Variants in LRRC4C observed in about 807,000 individuals in gnomAD.
The protein encoded by LRRC4C is leucine rich repeat containing 4C.
In LRRC4C, 5 loss-of-function variants were observed where a neutral mutation model predicts 33.6. That is an observed-to-expected ratio of 0.15 (90% confidence interval 0.08 to 0.31). The LOEUF (loss-of-function observed/expected upper bound fraction) is 0.31. Ranked by LOEUF, LRRC4C falls within the 10% of genes least tolerant of loss-of-function variation. The pLI is 1.00. For missense variants in LRRC4C, 560 were observed against 796.7 expected (o/e 0.70, Z 3.58); for synonymous variants, 329 against 302.0 (o/e 1.09, Z -0.93).
rs557473577 is a variant in LRRC4C at position 40,870,847 on chromosome 11, A to G, written c.-407+62788T>C. Among the ~76,000 whole-genome samples the G allele has an allele frequency of 3.3e-3, 508 of 152,332 alleles. 13 individuals are homozygous for G. The highest frequency in any genetic ancestry group is 1.1e-3 in the Non-Finnish European group (76 of 68,028). ...ACAAGATGACAGCAATGTTCAGGGAACAAGAGAGATAACCTTAAACTCTGA... is the reference window on the plus strand; with the variant it reads ...ACAAGATGACAGCAATGTTCAGGGAGCAAGAGAGATAACCTTAAACTCTGA... On this transcript the variant is annotated intron_variant, in intron 2 of 6. Coordinates refer to ENST00000528697, the MANE Select transcript of LRRC4C (RefSeq NM_001258419.2).
At chr11:41,253,411 G>A (rs1948703950) in intron 1 of LRRC4C, among the ~76,000 whole-genome samples, 1 of 152,078 alleles carries the variant, frequency 6.6e-6, no homozygotes, top group South Asian at 2.1e-4. Context: ...TACTTCTGAA[G>A]ACCATTTCAT....
intron 1 of LRRC4C, among the ~76,000 whole-genome samples, chr11:41,096,142 G>A (rs1042493957): frequency 2.0e-5 from 3 of 151,920 alleles, no homozygotes; most frequent in Non-Finnish European, 4.4e-5. Context: ...AACTCTAATC[G>A]ACATTATAAT....
intron 5 of LRRC4C, among the ~76,000 whole-genome samples, chr11:40,194,749 T>G (rs1377587347): frequency 6.6e-6 from 1 of 151,982 alleles, no homozygotes; most frequent in Non-Finnish European, 1.5e-5. Context: ...TGCACATGTA[T>G]CCCAGAACTT....
intron 3 of LRRC4C, among the ~76,000 whole-genome samples, chr11:40,362,692 C>G (rs984296266): frequency 6.6e-6 from 1 of 152,164 alleles, no homozygotes; most frequent in Non-Finnish European, 1.5e-5. Flanking sequence ...TGCACTCCAG[C>G]CTGGGCAAGA....
At chr11:40,881,659 CTTT>C (rs57939811) in intron 2 of LRRC4C, among the ~76,000 whole-genome samples, 2 of 145,312 alleles carry the variant, frequency 1.4e-5, no homozygotes, top group Non-Finnish European at 3.0e-5. Flanking sequence ...TAGTTTTTTT[CTTT>C]TTTTTTTTTA....
At chr11:41,098,141 G>A (rs1940936063) in intron 1 of LRRC4C, among the ~76,000 whole-genome samples, 1 of 152,092 alleles carries the variant, frequency 6.6e-6, no homozygotes, top group Non-Finnish European at 1.5e-5. Context: ...AACATGGGGG[G>A]CTGCTCCTCT....
At chr11:41,135,315 C>T (rs1039238970) in intron 1 of LRRC4C, among the ~76,000 whole-genome samples, 9 of 151,908 alleles carry the variant, frequency 5.9e-5, no homozygotes, top group East Asian at 5.8e-4. Context: ...AAAAAACAGA[C>T]GTGCTAGACA....
chr11:40,388,564 C>T (rs1949207224), intron 3 of LRRC4C, among the ~76,000 whole-genome samples: 1 of 152,144 alleles, frequency 6.6e-6, no homozygotes, highest in South Asian at 2.1e-4. Flanking sequence ...GATCCTGATG[C>T]CATTGCTGGC....
chr11:40,181,241 C>A (rs1036854819), intron 5 of LRRC4C, among the ~76,000 whole-genome samples: 2 of 152,096 alleles, frequency 1.3e-5, no homozygotes, highest in African/African-American at 4.8e-5. Flanking sequence ...TTCTTCCTCT[C>A]CCATTTGAGT....
At chr11:40,149,731 T>TA (rs573515792) in intron 5 of LRRC4C, among the ~76,000 whole-genome samples, 21 of 152,100 alleles carry the variant, frequency 1.4e-4, no homozygotes, top group Non-Finnish European at 2.5e-4. Context: ...AACTTAGATA[T>TA]AAAAACATCT....
intron 1 of LRRC4C, among the ~76,000 whole-genome samples, chr11:41,417,439 GC>G (rs1954724704): frequency 6.6e-6 from 1 of 151,928 alleles, no homozygotes; most frequent in Non-Finnish European, 1.5e-5. Flanking sequence ...TGAATGCTTT[GC>G]GTGACAATGT....
intron 2 of LRRC4C, among the ~76,000 whole-genome samples, chr11:40,703,476 G>A (rs1945983238): frequency 2.0e-5 from 3 of 152,134 alleles, no homozygotes; most frequent in Admixed American, 2.0e-4. Flanking sequence ...CTACTCAGGA[G>A]GTGGAGTGGG....
At chr11:41,457,432 C>A (rs1337669565) in intron 1 of LRRC4C, among the ~76,000 whole-genome samples, 1 of 152,110 alleles carries the variant, frequency 6.6e-6, no homozygotes, top group Non-Finnish European at 1.5e-5. Context: ...GCTTGGAGAG[C>A]CTCCAATACC....
intron 3 of LRRC4C, among the ~76,000 whole-genome samples, chr11:40,451,340 T>C (rs899458917): frequency 4.1e-5 from 6 of 145,088 alleles, no homozygotes; most frequent in Non-Finnish European, 6.0e-5. Flanking sequence ...AGAGTGACAT[T>C]ACTATTAGCC....
chr11:40,730,085 TCA>T (rs377253713), intron 2 of LRRC4C, among the ~76,000 whole-genome samples: 4,639 of 149,824 alleles, frequency 0.031, 96 homozygotes, highest in Non-Finnish European at 0.04. Context: ...AAGGGGAATA[TCA>T]CACTCTGGGG....
chr11:41,396,642 C>T (rs924240720), intron 1 of LRRC4C, among the ~76,000 whole-genome samples: 6 of 151,888 alleles, frequency 4.0e-5, no homozygotes, highest in Admixed American at 1.3e-4. Context: ...GGTAAATGTG[C>T]AGGTTTGTTA....
intron 2 of LRRC4C, among the ~76,000 whole-genome samples, chr11:40,682,676 C>T (rs2136339590): frequency 6.6e-6 from 1 of 151,592 alleles, no homozygotes; most frequent in Middle Eastern, 3.4e-3. Flanking sequence ...TTGGGAGAGG[C>T]ATGAGAATCA....
intron 2 of LRRC4C, among the ~76,000 whole-genome samples, chr11:40,698,067 CAA>C (rs10713512): frequency 0.029 from 3,029 of 105,230 alleles, 36 homozygotes; most frequent in African/African-American, 0.046. Flanking sequence ...GACTCTGTCT[CAA>C]AAAAAAAAAA....
chr11:40,785,592 A>C (rs935176542), intron 2 of LRRC4C, among the ~76,000 whole-genome samples: 1 of 152,224 alleles, frequency 6.6e-6, no homozygotes, highest in Non-Finnish European at 1.5e-5. Flanking sequence ...GGAATCAGAC[A>C]CTATGAACCA....
Sources: gnomAD v4.1 joint callset for allele counts (sites outside exome capture counted in the v4.1 genomes callset) on GRCh38, gnomAD v4.1.1 for gene constraint, MANE v1.5 for transcripts, NCBI Gene and HGNC (gene_info 2026-07-23, HGNC 2026-07-21) for gene names.